SPON2: variants seen among roughly 807,000 people sequenced by gnomAD.
SPON2 encodes the protein spondin-2.
SPON2 carries 32 observed loss-of-function variants against 29.9 expected under a neutral mutation model. The ratio of observed to expected loss-of-function variants is 1.07; its 90% CI spans 0.81 to 1.44. The LOEUF is 1.44. SPON2 is among the 40% of genes most tolerant of loss of function. The pLI is 0.00. For missense variants in SPON2, 541 were observed against 455.5 expected (o/e 1.19, Z -1.71); for synonymous variants, 248 against 209.1 (o/e 1.19, Z -1.61).
intron 1 of SPON2, among the ~76,000 whole-genome samples, chr4:1,182,194 CA>C (rs1408530281): frequency 6.6e-6 from 1 of 151,952 alleles, no homozygotes; most frequent in Non-Finnish European, 1.5e-5. Context: ...ACAAGGCATA[CA>C]AAGAAACAGG....
intron 1 of SPON2, among the ~76,000 whole-genome samples, chr4:1,206,613 G>T (rs1267765248): frequency 6.6e-6 from 1 of 152,222 alleles, no homozygotes; most frequent in Non-Finnish European, 1.5e-5. Flanking sequence ...GACCCAGCGG[G>T]CTGAGTGGGG....
At chr4:1,183,240 C>A (rs998862500) in intron 1 of SPON2, among the ~76,000 whole-genome samples, 317 of 128,950 alleles carry the variant, frequency 2.5e-3, no homozygotes, top group East Asian at 3.3e-3. Context: ...GAAACTCCAT[C>A]AAAAAAAAAA....
rs565019961 is a variant in SPON2 at position 1,189,777 on chromosome 4, G to A, written c.-239+5213C>T. ...GCTGAGGCGGGCGGATCACAAGGTC[G>A]GGAGATCGAGACCATCCTAGCTAAG... On this transcript the variant is annotated intron_variant, in intron 1 of 3. Coordinates refer to the SPON2 transcript ENST00000502483. 2.1e-3 allele frequency among the ~76,000 whole-genome samples: 321 copies of A among 151,554 alleles called. 2 individuals are homozygous for A. Among genetic ancestry groups the A allele is most frequent in the African/African-American group, 7.3e-3 (303 of 41,344 alleles).
At chr4:1,194,636 G>A (rs1456468290) in intron 1 of SPON2, among the ~76,000 whole-genome samples, 1 of 152,172 alleles carries the variant, frequency 6.6e-6, no homozygotes, top group Non-Finnish European at 1.5e-5. Flanking sequence ...TGGCCCGCGG[G>A]ACCTGCTCCC....
At chr4:1,172,447 G>C in intron 1 of SPON2, 97 bp downstream of exon 1, 1 of 345,136 alleles carries the variant, frequency 2.9e-6, no homozygotes, top group Non-Finnish European at 5.4e-6. Context: ...AGCCAGTCCT[G>C]GGGGTCCCTC....
Position 1,202,631 on chromosome 4 carries a change from T to G in SPON2, c.-234+5249A>C. On this transcript the variant is annotated intron_variant, in intron 1 of 3. Coordinates refer to the SPON2 transcript ENST00000509233. The surrounding 1 kb of genome is among the most constrained non-coding windows in gnomAD (Gnocchi z 5.4). Reference sequence around the variant, plus strand: ...TCCTGCCTGCCGCTCTCCCAGGCTGTGCTTGCTCGCTGGTGGCCCTGCAGT... The same window carrying G: ...TCCTGCCTGCCGCTCTCCCAGGCTGGGCTTGCTCGCTGGTGGCCCTGCAGT... Among the ~76,000 whole-genome samples the G allele has an allele frequency of 6.6e-6, 1 of 151,898 alleles. No individual in the cohort carries two copies. Among genetic ancestry groups the G allele is most frequent in the Non-Finnish European group, 1.5e-5 (1 of 67,972 alleles).
In SPON2 at chr4:1,167,381, T is replaced by C. The variant is rs1727272177; in HGVS notation, c.*91A>G. 2.2e-6 allele frequency: 3 copies of C among 1,363,570 alleles called. No individual in the cohort carries two copies. Among genetic ancestry groups the C allele is most frequent in the African/African-American group, 1.4e-5 (1 of 69,110 alleles). The allele number at this position is 1,363,570 out of a possible 1,614,324, so 84.5% of individuals were successfully genotyped here. On this transcript the variant is annotated 3_prime_UTR_variant, in exon 6 of 6. Transcript: ENST00000290902. Reference sequence around the variant, plus strand: ...CGGTCAGGAGCAGCGCGAAACCCCCTGTGCCCTCGGCCGCCTGCAGCATGA... The same window carrying C: ...CGGTCAGGAGCAGCGCGAAACCCCCCGTGCCCTCGGCCGCCTGCAGCATGA...
Position 1,171,208 on chromosome 4 carries a change from C to A in SPON2, c.445-18G>T. 6.8e-7 allele frequency: 1 copy of A among 1,476,466 alleles called. No individual in the cohort carries two copies. 91.5% of individuals were successfully genotyped at this position (1,476,466 alleles called of 1,614,324 possible). A position where few individuals can be genotyped will look rare whatever the true frequency, so the allele number is the denominator to read the frequency against. On this transcript the variant is annotated intron_variant, in intron 3 of 5. Transcript: ENST00000290902. ...AACGAGACCTGCGGCGACAGCGGCT[C>A]AGCGCGCCTGGCCCCGGCCCCCCGG...
At chr4:1,174,569 G>A (rs1459350524), upstream of SPON2, among the ~76,000 whole-genome samples, 1 of 150,968 alleles carries the variant, frequency 6.6e-6, no homozygotes, top group East Asian at 1.9e-4. Context: ...TTGTTTGTAT[G>A]GGTTATACCT....
At chr4:1,178,883 CT>C (rs1344291715) in intron 2 of SPON2, among the ~76,000 whole-genome samples, 1 of 152,196 alleles carries the variant, frequency 6.6e-6, no homozygotes. Flanking sequence ...CTGGTCCCCC[CT>C]GTGCAGGAAC....
At chr4:1,191,490 A>G (rs1302824345) in intron 1 of SPON2, among the ~76,000 whole-genome samples, 1 of 152,212 alleles carries the variant, frequency 6.6e-6, no homozygotes, top group Admixed American at 6.5e-5. Flanking sequence ...AAGACCTAAA[A>G]GTAAAAGTCG....
intron 1 of SPON2, chr4:1,200,987 T>C (rs1191883053): frequency 2.2e-6 from 1 of 456,744 alleles, no homozygotes; most frequent in Non-Finnish European, 4.4e-6. Flanking sequence ...TCTAGACGGT[T>C]CTGGCCCCTC....
upstream of SPON2, chr4:1,208,714 G>A (rs1205522126): frequency 6.6e-6 from 1 of 152,280 alleles, no homozygotes; most frequent in Non-Finnish European, 1.5e-5. Flanking sequence ...CGCGTCAACG[G>A]TCTGTCCGTC....
chr4:1,203,347 C>G (rs1287353990), intron 1 of SPON2, among the ~76,000 whole-genome samples: 2 of 152,190 alleles, frequency 1.3e-5, no homozygotes, highest in Non-Finnish European at 1.5e-5. Context: ...CATAAATGGT[C>G]TCATGTGATA....
intron 1 of SPON2, among the ~76,000 whole-genome samples, chr4:1,205,592 C>CTGA (rs55881583): frequency 1.6e-4 from 1 of 6,144 alleles, no homozygotes; most frequent in Non-Finnish European, 1.3e-3. Context: ...CTGGCCTTCC[C>CTGA]TGCCAGCCCA....
In SPON2 at chr4:1,171,482, G is replaced by C; in HGVS notation, c.225C>G (p.Ala75=). 6.2e-7 allele frequency: 1 copy of C among 1,610,852 alleles called. No individual in the cohort carries two copies. Among genetic ancestry groups the C allele is most frequent in the Non-Finnish European group, 8.5e-7 (1 of 1,178,844 alleles). ...PPAQWSSLLG[A]AHSSDYSMWR... Reference sequence around the variant, plus strand: ...ACATGCTGTAGTCGGAGCTATGCGCGGCCCCTGCAGGACCACCCGGCCGCG... The same window carrying C: ...ACATGCTGTAGTCGGAGCTATGCGCCGCCCCTGCAGGACCACCCGGCCGCG... The change falls in exon 3 of 6, where the codon GCC becomes GCG. Residue 75 remains alanine (A), a synonymous_variant. Coordinates refer to ENST00000290902, the MANE Select transcript of SPON2 (RefSeq NM_012445.4).
At chr4:1,171,792 G>T (rs1048286491) in intron 2 of SPON2, 60 bp downstream of exon 2, 4 of 1,132,354 alleles carry the variant, frequency 3.5e-6, no homozygotes, top group Non-Finnish European at 5.4e-6. Flanking sequence ...AGCTGTGCGG[G>T]GGGCTCCGGC....
chr4:1,192,419 A>G (rs774708795), intron 1 of SPON2, among the ~76,000 whole-genome samples: 5 of 152,242 alleles, frequency 3.3e-5, no homozygotes, highest in Non-Finnish European at 5.9e-5. Context: ...CTTTTTCCCA[A>G]TAGAGTTTCC....
At chr4:1,195,855 G>A (rs567412849), upstream of SPON2, among the ~76,000 whole-genome samples, 228 of 152,232 alleles carry the variant, frequency 1.5e-3, 1 homozygote, top group Non-Finnish European at 1.7e-3. Context: ...GGCTGGTTTC[G>A]AACTCCTGGC....
Sources: gnomAD v4.1 joint callset for allele counts (sites outside exome capture counted in the v4.1 genomes callset) on GRCh38, gnomAD v4.1.1 for gene constraint, Gnocchi (gnomAD v3.1) non-coding constraint, MANE v1.5 for transcripts, NCBI Gene and HGNC (gene_info 2026-07-23, HGNC 2026-07-21) for gene names.